Variants in ERCC8 observed in about 807,000 individuals in gnomAD.
The protein encoded by ERCC8 is DNA excision repair protein ERCC-8.
In ERCC8, 52 loss-of-function variants were observed where a neutral mutation model predicts 54.9. The ratio of observed to expected loss-of-function variants is 0.95; its 90% CI spans 0.76 to 1.19. The LOEUF (loss-of-function observed/expected upper bound fraction) is 1.19, where lower values mean the gene tolerates loss of function less well. Among genes scored for constraint, ERCC8 ranks in the 50% most tolerant of loss-of-function variants. The probability of loss-of-function intolerance (pLI) is 0.00; values close to 1 mark genes in which losing one functional copy is unlikely to be tolerated. For synonymous variants in ERCC8, 146 were observed against 157.2 expected (o/e 0.93, Z 0.53); for missense variants, 514 against 466.1 (o/e 1.10, Z -0.95).
chr5:60,898,330 A>T lies in ERCC8; in HGVS notation c.789T>A (p.Val263=), dbSNP rs1748776795. The T allele has an allele frequency of 1.9e-6, 3 of 1,613,602 alleles. No homozygotes were observed. Among genetic ancestry groups the T allele is most frequent in the Non-Finnish European group, 2.5e-6 (3 of 1,179,618 alleles). ...FTSDGLHLLT[V]GTDNRMRLWN... ...AGAGCCTCATTCGATTATCTGTACC[A>T]ACAGTGAGGAGGTGAAGTCCATCAC... The change falls in exon 9 of 12, where the codon GTT becomes GTA. Residue 263 remains valine, a synonymous_variant. Coordinates refer to ENST00000676185, the MANE Select transcript of ERCC8 (RefSeq NM_000082.4).
At chr5:60,941,111 T>C (rs1163319447) in intron 1 of ERCC8, among the ~76,000 whole-genome samples, 3 of 151,936 alleles carry the variant, frequency 2.0e-5, no homozygotes, top group Non-Finnish European at 2.9e-5. Flanking sequence ...AGCCTAGGAG[T>C]TCAGGACCAG....
intron 11 of ERCC8, among the ~76,000 whole-genome samples, chr5:60,877,050 T>C (rs1392113623): frequency 5.9e-5 from 9 of 152,222 alleles, no homozygotes; most frequent in African/African-American, 1.9e-4. Context: ...TTGAATTGAT[T>C]TTTGTATAAG....
chr5:60,877,148 A>C (rs982518004), intron 11 of ERCC8, among the ~76,000 whole-genome samples: 3 of 152,146 alleles, frequency 2.0e-5, no homozygotes, highest in Non-Finnish European at 4.4e-5. Context: ...TCCTTTCTCC[A>C]TTTCTTGTTT....
chr5:60,918,630 G>C (rs1749510647), intron 3 of ERCC8: 1 of 491,802 alleles, frequency 2.0e-6, no homozygotes, highest in Admixed American at 3.3e-5. Context: ...AAGATTCTCT[G>C]TTTTTGTACT....
chr5:60,890,064 T>C (rs553148230), intron 10 of ERCC8, among the ~76,000 whole-genome samples: 226 of 152,230 alleles, frequency 1.5e-3, no homozygotes, highest in Non-Finnish European at 2.7e-3. Flanking sequence ...AATATTTATA[T>C]ATTTTAATAA....
rs1329374780 is a variant in ERCC8 at position 60,881,970 on chromosome 5, C to G, written c.1122+5470G>C. ...CATTGCTCACGCTGGGAGCTGCAGA[C>G]TGGAGCTGTTCCTATTCGGCCATCT... On this transcript the variant is annotated intron_variant, in intron 11 of 11. Transcript: ENST00000676185. Among the ~76,000 whole-genome samples, 3 of 152,196 alleles carry G rather than the reference C, an allele frequency of 2.0e-5. 1 individual carries two copies. Among genetic ancestry groups the G allele is most frequent in the Admixed American group, 2.0e-4 (3 of 15,280 alleles).
intron 1 of ERCC8, among the ~76,000 whole-genome samples, chr5:60,930,096 T>C (rs1291444728): frequency 1.3e-5 from 2 of 152,202 alleles, no homozygotes; most frequent in African/African-American, 4.8e-5. Context: ...TTTGAAGATA[T>C]ACATGGCCCT....
intron 4 of ERCC8, among the ~76,000 whole-genome samples, chr5:60,914,316 G>T (rs1749361314): frequency 6.6e-6 from 1 of 152,062 alleles, no homozygotes; most frequent in Admixed American, 6.5e-5. Flanking sequence ...AGCTCTTCTT[G>T]TTGTGATCCC....
At chr5:60,918,626 C>T in intron 3 of ERCC8, 1 of 499,752 alleles carries the variant, frequency 2.0e-6, no homozygotes, top group Non-Finnish European at 3.7e-6. Flanking sequence ...GTGAAAGATT[C>T]TCTGTTTTTG....
Position 60,869,098 on chromosome 5 carries a change from G to A in ERCC8, c.*5517C>T, listed in dbSNP as rs972406868. 3.9e-5 allele frequency among the ~76,000 whole-genome samples: 6 copies of A among 152,182 alleles called. No homozygotes were observed. Among genetic ancestry groups the A allele is most frequent in the Admixed American group, 2.0e-4 (3 of 15,286 alleles). The stretch of plus-strand genomic sequence containing the variant: ...TGGAAAACATTAAATTAAAAAAATG[G>A]AAATTTACCAAAGTATTTGTTTATA... On this transcript the variant is annotated 3_prime_UTR_variant, in exon 12 of 12. Coordinates refer to ENST00000676185, the MANE Select transcript of ERCC8 (RefSeq NM_000082.4).
At chr5:60,879,329 A>G (rs1184495630) in intron 11 of ERCC8, among the ~76,000 whole-genome samples, 1 of 152,182 alleles carries the variant, frequency 6.6e-6, no homozygotes, top group African/African-American at 2.4e-5. Context: ...GTGGTGCTGA[A>G]AAGAATGTAT....
intron 1 of ERCC8, among the ~76,000 whole-genome samples, chr5:60,939,595 G>A (rs1043129456): frequency 3.9e-5 from 6 of 151,946 alleles, no homozygotes; most frequent in Admixed American, 1.3e-4. Context: ...AGAGATCCTC[G>A]TGCCTCAGCC....
chr5:60,934,237 G>A (rs1222388849), intron 1 of ERCC8, among the ~76,000 whole-genome samples: 1 of 152,100 alleles, frequency 6.6e-6, no homozygotes, highest in Non-Finnish European at 1.5e-5. Flanking sequence ...CCATATCCAT[G>A]CCAACATCTA....
chr5:60,882,988 C>CACACAT (rs996397642), intron 11 of ERCC8, among the ~76,000 whole-genome samples: 2 of 151,364 alleles, frequency 1.3e-5, no homozygotes, highest in African/African-American at 4.9e-5. Flanking sequence ...CACACACACA[C>CACACAT]ACACACACAC....
At position 60,867,342 on chromosome 5, in the gene ERCC8, C is replaced by G. The variant is rs954876613; in HGVS notation, c.*7273G>C. On this transcript the variant is annotated 3_prime_UTR_variant, in exon 12 of 12. Transcript: ENST00000676185. ...CGATCTCGGCTCACTGCAACCTCCG[C>G]CTTCAGGGTTCAGGCCATTCTCCTG... is the stretch of plus-strand genomic sequence containing the variant. Among the ~76,000 whole-genome samples, 7 of 151,864 alleles carry G rather than the reference C, an allele frequency of 4.6e-5. No individual in the cohort carries two copies. Among genetic ancestry groups the G allele is most frequent in the African/African-American group, 1.7e-4 (7 of 41,330 alleles).
chr5:60,910,420 T>A (rs1403067380), intron 4 of ERCC8, among the ~76,000 whole-genome samples: 1 of 152,162 alleles, frequency 6.6e-6, no homozygotes, highest in Non-Finnish European at 1.5e-5. Context: ...AAAAAAGAAA[T>A]CTTCTAAGAG....
At position 60,891,093 on chromosome 5, in the gene ERCC8, G is replaced by A. The variant is rs770215298; in HGVS notation, c.844-7C>T. ...AAACTTTTCCATAGTTCACCTGTAG[G>A]ATTAAAATAATAAGGTTACTCATCT... On this transcript the variant is annotated splice_region_variant and splice_polypyrimidine_tract_variant and intron_variant, in intron 9 of 11. Coordinates refer to ENST00000676185, the MANE Select transcript of ERCC8 (RefSeq NM_000082.4). 3.3e-5 allele frequency: 51 copies of A among 1,566,708 alleles called. No homozygotes were observed. The highest frequency in any genetic ancestry group is 3.9e-5 in the Non-Finnish European group (45 of 1,141,036).
At chr5:60,879,684 C>A (rs191299436) in intron 11 of ERCC8, among the ~76,000 whole-genome samples, 1 of 152,272 alleles carries the variant, frequency 6.6e-6, no homozygotes, top group Non-Finnish European at 1.5e-5. Flanking sequence ...ACTAGGATTA[C>A]AACCTCTGCC....
chr5:60,939,408 C>G (rs1750189761), intron 1 of ERCC8, among the ~76,000 whole-genome samples: 1 of 152,052 alleles, frequency 6.6e-6, no homozygotes, highest in African/African-American at 2.4e-5. Context: ...TAAAATATTT[C>G]TATGGACCTT....
Sources: allele counts gnomAD v4.1 joint callset (sites outside exome capture counted in the v4.1 genomes callset), GRCh38; gene constraint gnomAD v4.1.1; transcripts MANE v1.5; gene names NCBI Gene and HGNC (gene_info 2026-07-23, HGNC 2026-07-21).